LRP1B: variants seen among roughly 807,000 people sequenced by gnomAD.
LRP1B encodes the protein low-density lipoprotein receptor-related protein 1B.
A neutral mutation model predicts 556.6 loss-of-function variants in LRP1B; 217 were observed. The observed-to-expected ratio is 0.39, with a 90% CI of 0.35 to 0.44. The LOEUF (loss-of-function observed/expected upper bound fraction) is 0.44, where lower values mean the gene tolerates loss of function less well. Among genes scored for constraint, LRP1B ranks in the 20% least tolerant of loss-of-function variants. LRP1B has a pLI of 1.00. For synonymous variants in LRP1B, 2,047 were observed against 1,865.8 expected, an observed-to-expected ratio of 1.10 and a Z score of -2.50; for missense variants, 5,053 against 5,620.8, an observed-to-expected ratio of 0.90 and a Z score of 3.23.
intron 2 of LRP1B, among the ~76,000 whole-genome samples, chr2:141,669,436 T>C (rs774193178): frequency 6.6e-6 from 1 of 152,138 alleles, no homozygotes. Flanking sequence ...TGCTTTGTTA[T>C]GGCTTCCCTA....
intron 1 of LRP1B, among the ~76,000 whole-genome samples, chr2:142,069,713 T>A (rs1286971446): frequency 6.6e-6 from 1 of 151,806 alleles, no homozygotes; most frequent in Admixed American, 6.6e-5. Flanking sequence ...GCATGCGAAC[T>A]TTTTTCTTTA....
rs552494491 is a variant in LRP1B, at chr2:142,113,476, T to C, written c.82+17172A>G. Among the ~76,000 whole-genome samples, 7 of 113,216 alleles carry C rather than the reference T, an allele frequency of 6.2e-5. No homozygotes were observed. The South Asian group carries it at 1.6e-3, about 25-fold the overall frequency. The allele number at this position is 113,216 out of a possible 152,430, so 74.3% of individuals were successfully genotyped here. On this transcript the variant is annotated intron_variant, in intron 1 of 90. Transcript: ENST00000389484. ...TAGAGAATGAGGTTAGGAGTAACCT[T>C]TACAGTTGCCACAAAAAAAAAAATG...
intron 43 of LRP1B, among the ~76,000 whole-genome samples, chr2:140,551,243 A>G (rs1680537521): frequency 6.6e-6 from 1 of 152,194 alleles, no homozygotes; most frequent in East Asian, 1.9e-4. Context: ...TAAAATCAGT[A>G]TGAAGGACAG....
intron 49 of LRP1B, among the ~76,000 whole-genome samples, chr2:140,523,124 C>G (rs1427584088): frequency 6.6e-6 from 1 of 151,948 alleles, no homozygotes; most frequent in East Asian, 1.9e-4. Context: ...CCCTAATGAA[C>G]ATAGGAACAA....
At chr2:141,490,243 C>T (rs1411879013) in intron 2 of LRP1B, among the ~76,000 whole-genome samples, 1 of 152,054 alleles carries the variant, frequency 6.6e-6, no homozygotes, top group African/African-American at 2.4e-5. Context: ...AAAAAGAGAA[C>T]ATCTGCTATG....
intron 1 of LRP1B, among the ~76,000 whole-genome samples, chr2:142,122,433 T>A (rs919782936): frequency 2.0e-5 from 3 of 152,136 alleles, no homozygotes; most frequent in Non-Finnish European, 4.4e-5. Context: ...AAATTCAACA[T>A]TTAGATTTAG....
intron 86 of LRP1B, among the ~76,000 whole-genome samples, chr2:140,251,252 T>C (rs1252792644): frequency 6.6e-6 from 1 of 151,872 alleles, no homozygotes; most frequent in Non-Finnish European, 1.5e-5. Flanking sequence ...AAAATGAAAG[T>C]TATTACATTT....
intron 7 of LRP1B, among the ~76,000 whole-genome samples, chr2:141,137,580 G>A (rs909013256): frequency 2.6e-5 from 4 of 151,858 alleles, no homozygotes; most frequent in African/African-American, 4.8e-5. Context: ...ATTATCTCAC[G>A]TACTTATTAT....
At chr2:140,729,683 C>T (rs1687710594) in intron 35 of LRP1B, among the ~76,000 whole-genome samples, 1 of 152,182 alleles carries the variant, frequency 6.6e-6, no homozygotes, top group Admixed American at 6.5e-5. Context: ...AAGACTCAAT[C>T]ACCCTCTTGT....
chr2:141,213,855 C>T (rs936997992), intron 6 of LRP1B, among the ~76,000 whole-genome samples: 3 of 151,584 alleles, frequency 2.0e-5, no homozygotes, highest in African/African-American at 7.3e-5. Context: ...CGATGGTTGG[C>T]TGAAACATGT....
At chr2:140,977,188 G>C (rs1158761565) in intron 18 of LRP1B, among the ~76,000 whole-genome samples, 1 of 152,050 alleles carries the variant, frequency 6.6e-6, no homozygotes, top group Non-Finnish European at 1.5e-5. Flanking sequence ...TGAAACATGG[G>C]GGCAGGTCTT....
At chr2:141,707,363 T>G (rs1426731839) in intron 2 of LRP1B, among the ~76,000 whole-genome samples, 1 of 152,120 alleles carries the variant, frequency 6.6e-6, no homozygotes, top group East Asian at 1.9e-4. Context: ...GCATCCTTGA[T>G]TCAGCCATAA....
intron 6 of LRP1B, among the ~76,000 whole-genome samples, chr2:141,215,694 C>T (rs991896857): frequency 1.5e-4 from 23 of 152,172 alleles, no homozygotes; most frequent in East Asian, 5.8e-4. Context: ...TCTCTTCAGG[C>T]TCTATGGATC....
intron 2 of LRP1B, among the ~76,000 whole-genome samples, chr2:141,700,429 A>G (rs1691898802): frequency 6.6e-6 from 1 of 151,860 alleles, no homozygotes; most frequent in Non-Finnish European, 1.5e-5. Context: ...TCTTTATTCT[A>G]AAATTGTAAT....
intron 1 of LRP1B, among the ~76,000 whole-genome samples, chr2:142,018,166 C>A (rs182490628): frequency 3.1e-4 from 47 of 152,222 alleles, no homozygotes; most frequent in Non-Finnish European, 5.7e-4. Context: ...TGTTTTACAA[C>A]AAATTGTTTG....
intron 1 of LRP1B, among the ~76,000 whole-genome samples, chr2:142,013,810 T>C (rs1183259033): frequency 1.3e-5 from 2 of 152,114 alleles, no homozygotes; most frequent in Non-Finnish European, 2.9e-5. Context: ...AGTAACTCCA[T>C]CTTGAGTGAG....
At chr2:140,808,596 T>C (rs145313365) in intron 32 of LRP1B, among the ~76,000 whole-genome samples, 79 of 152,300 alleles carry the variant, frequency 5.2e-4, no homozygotes, top group African/African-American at 1.8e-3. Flanking sequence ...CTATACGTTT[T>C]ACTCATTTAT....
intron 66 of LRP1B, among the ~76,000 whole-genome samples, chr2:140,407,597 T>C (rs1684796753): frequency 6.6e-6 from 1 of 152,054 alleles, no homozygotes; most frequent in African/African-American, 2.4e-5. Flanking sequence ...TTACTGATCA[T>C]CAGGGAAATG....
In LRP1B at chr2:141,149,481, C is replaced by T. The variant is rs192934501; in HGVS notation, c.1013+38940G>A. 5.3e-5 allele frequency among the ~76,000 whole-genome samples: 8 copies of T among 152,272 alleles called. No individual in the cohort carries two copies. The East Asian group carries it at 5.8e-4, about 11-fold the overall frequency. On this transcript the variant is annotated intron_variant, in intron 7 of 90. Coordinates refer to ENST00000389484, the MANE Select transcript of LRP1B (RefSeq NM_018557.3). ...TACCTTTATTTCAAGTGAGAGAAGA[C>T]GGTAGAGTGTAAGGGACATCTTATA...
Sources: allele counts gnomAD v4.1 joint callset (sites outside exome capture counted in the v4.1 genomes callset), GRCh38; gene constraint gnomAD v4.1.1; transcripts MANE v1.5; gene names NCBI Gene and HGNC (gene_info 2026-07-23, HGNC 2026-07-21).